The following CNOT1 variants were observed in gnomAD, a reference collection of about 807,000 sequenced individuals.
CNOT1 encodes CCR4-NOT transcription complex subunit 1.
CNOT1 carries 15 observed loss-of-function variants against 273.8 expected under a neutral mutation model. That is an observed-to-expected ratio of 0.05 (90% CI 0.04 to 0.08). CNOT1 has a LOEUF of 0.08. Among genes scored for constraint, CNOT1 ranks in the 10% least tolerant of loss-of-function variants. The pLI is 1.00. For missense variants in CNOT1, 1,644 were observed against 2,912.2 expected (o/e 0.56, Z 10.02); for synonymous variants, 1,022 against 1,005.5 (o/e 1.02, Z -0.31).
chr16:58,610,756 T>C (rs1485729280), intron 1 of CNOT1, among the ~76,000 whole-genome samples: 3 of 151,660 alleles, frequency 2.0e-5, no homozygotes, highest in Non-Finnish European at 2.9e-5. Flanking sequence ...GGCAGGAGAA[T>C]GGCGTGAACC....
intron 19 of CNOT1, 58 bp downstream of exon 19, chr16:58,556,783 GAGACAT>G: frequency 8.9e-6 from 14 of 1,573,164 alleles, no homozygotes; most frequent in Non-Finnish European, 1.1e-5. Context: ...TAACACAAAT[GAGACAT>G]ACAACTAAAC....
At chr16:58,592,696 G>A (rs896888592) in intron 2 of CNOT1, among the ~76,000 whole-genome samples, 2 of 152,138 alleles carry the variant, frequency 1.3e-5, no homozygotes, top group Non-Finnish European at 2.9e-5. Flanking sequence ...AAAATGTTTA[G>A]GACCGACAAA....
At position 58,613,651 on chromosome 16, in the gene CNOT1, G is replaced by C. The variant is rs561466192; in HGVS notation, c.-174-14140C>G. Among the ~76,000 whole-genome samples the C allele has an allele frequency of 2.5e-4, 31 of 124,136 alleles. 7 individuals are homozygous for C. The highest frequency in any genetic ancestry group is 8.4e-4 in the African/African-American group (31 of 37,028). The allele number at this position is 124,136 out of a possible 152,430, so 81.4% of individuals were successfully genotyped here. On this transcript the variant is annotated intron_variant, in intron 1 of 48. Coordinates refer to ENST00000317147, the MANE Select transcript of CNOT1 (RefSeq NM_016284.5). ...CTAAAAAAAGGACCCATAAATAATA[G>C]AAATTATCTATTGAGGGGAAAAAAA...
intron 2 of CNOT1, among the ~76,000 whole-genome samples, chr16:58,595,070 C>T (rs921455379): frequency 8.0e-5 from 12 of 150,238 alleles, no homozygotes; most frequent in African/African-American, 2.7e-4. Context: ...GCCGAGATCA[C>T]GCCACTGCAC....
chr16:58,587,458 CAAG>C (rs767761150), intron 4 of CNOT1, 45 bp from the exon 5 acceptor site: 1 of 1,608,454 alleles, frequency 6.2e-7, no homozygotes, highest in Non-Finnish European at 8.5e-7. Context: ...CTTACTTTTT[CAAG>C]AAGTTTTTAA....
intron 34 of CNOT1, 113 bp downstream of exon 34, chr16:58,541,388 G>GT: frequency 1.4e-6 from 2 of 1,473,396 alleles, no homozygotes; most frequent in Non-Finnish European, 1.8e-6. Context: ...AACTATAGGT[G>GT]TTTTTTCCCC....
At position 58,551,854 on chromosome 16, in the gene CNOT1, TA is replaced by T. The variant is rs1467488158; in HGVS notation, c.2971-36del. On this transcript the variant is annotated intron_variant, in intron 22 of 48. Coordinates refer to ENST00000317147, the MANE Select transcript of CNOT1 (RefSeq NM_016284.5). ...TAGGGAGAGGAAAAAGAGTTAACCT[TA>T]ATTGCTAAGTCTGGATTATACGTCC... 3 of 1,609,470 alleles carry T rather than the reference TA, an allele frequency of 1.9e-6. No individual in the cohort carries two copies. In the African/African-American group the frequency reaches 4.0e-5, roughly 22 times the overall value.
At chr16:58,521,128 T>C (rs2039353902) in intron 48 of CNOT1, 55 bp downstream of exon 48, 2 of 1,612,364 alleles carry the variant, frequency 1.2e-6, no homozygotes, top group African/African-American at 2.7e-5. Context: ...TAGAGACAGA[T>C]GGTTTTCAGT....
chr16:58,624,344 TCAA>T (rs1353503798), intron 1 of CNOT1, among the ~76,000 whole-genome samples: 1 of 152,194 alleles, frequency 6.6e-6, no homozygotes, highest in Non-Finnish European at 1.5e-5. Flanking sequence ...GTTCTCAGAA[TCAA>T]CAAAAAATTA....
chr16:58,622,155 C>A (rs2043355513), intron 1 of CNOT1, among the ~76,000 whole-genome samples: 1 of 151,060 alleles, frequency 6.6e-6, no homozygotes, highest in African/African-American at 2.4e-5. Context: ...TACTAAAAAA[C>A]TATAAAAAAT....
Position 58,574,756 on chromosome 16 carries a change from G to A in CNOT1, c.1832C>T (p.Pro611Leu), listed in dbSNP as rs2041401862. 5 of 1,588,570 alleles carry A rather than the reference G, an allele frequency of 3.1e-6. No individual in the cohort carries two copies. The highest frequency in any genetic ancestry group is 4.3e-6 in the Non-Finnish European group (5 of 1,174,628). Residue 611 changes from proline to leucine, a missense_variant, in exon 16 of 49, where the codon CCT becomes CTT. Around this residue, in one of 13 missense-constraint regions of CNOT1, gnomAD observed 706 missense variants for 1,021.2 expected, o/e 0.69. Transcript: ENST00000317147. ...AAAAGTCATACACGCCTGGATAAAAGGCTCCTGAAGAATAGAAAAGTCTCT... is the reference window on the plus strand; with the variant it reads ...AAAAGTCATACACGCCTGGATAAAAAGCTCCTGAAGAATAGAAAAGTCTCT... ...LTDKIREHGE[P>L]FIQACMTFLK...
At chr16:58,578,440 A>G (rs2041540510) in intron 13 of CNOT1, among the ~76,000 whole-genome samples, 1 of 147,680 alleles carries the variant, frequency 6.8e-6, no homozygotes, top group Non-Finnish European at 1.5e-5. Flanking sequence ...GCGACAGAGC[A>G]AGACACCATC....
rs781501258 is a variant in CNOT1, at chr16:58,538,079, T to C, written c.5245-19A>G. On this transcript the variant is annotated intron_variant, in intron 37 of 48. Coordinates refer to ENST00000317147, the MANE Select transcript of CNOT1 (RefSeq NM_016284.5). ...CCATTGACTGGCAACACAGAAAACA[T>C]AATGTGAGAGGGAAAACACTTAAGA... 6.2e-7 allele frequency: 1 copy of C among 1,614,136 alleles called. No individual in the cohort carries two copies. Among genetic ancestry groups the C allele is most frequent in the Non-Finnish European group, 8.5e-7 (1 of 1,180,018 alleles).
At chr16:58,555,643 G>C (rs2040606225) in intron 20 of CNOT1, 106 bp from the exon 21 acceptor site, 2 of 1,537,684 alleles carry the variant, frequency 1.3e-6, no homozygotes, top group Admixed American at 2.1e-5. Context: ...TTTACCAAAA[G>C]AGCTTGAGAC....
intron 14 of CNOT1, among the ~76,000 whole-genome samples, chr16:58,575,671 C>T (rs1340846118): frequency 1.3e-5 from 2 of 152,034 alleles, no homozygotes; most frequent in Non-Finnish European, 2.9e-5. Flanking sequence ...CGTTGGCAGG[C>T]GCCTGTAGTC....
intron 2 of CNOT1, among the ~76,000 whole-genome samples, chr16:58,589,320 C>T (rs959493431): frequency 1.3e-5 from 2 of 152,144 alleles, no homozygotes. Flanking sequence ...CAAGACCAGC[C>T]TGGTCAACAT....
chr16:58,547,319 A>C lies in CNOT1; in HGVS notation c.3640-23T>G. ...GTCCTAGAATAAGAAAAATACTTTCAAAAGCGGGGAATATACCCCCCAAAA... is the reference window on the plus strand; with the variant it reads ...GTCCTAGAATAAGAAAAATACTTTCCAAAGCGGGGAATATACCCCCCAAAA... On this transcript the variant is annotated intron_variant, in intron 26 of 48. Transcript: ENST00000317147. This position sits in a 1 kb window ranked among gnomAD's most constrained non-coding sequence, Gnocchi z 4.0. 1 of 1,611,422 alleles carries C rather than the reference A, an allele frequency of 6.2e-7. No individual in the cohort carries two copies. Among genetic ancestry groups the C allele is most frequent in the Non-Finnish European group, 8.5e-7 (1 of 1,179,110 alleles).
At chr16:58,603,074 A>G (rs1034059205) in intron 1 of CNOT1, among the ~76,000 whole-genome samples, 2 of 152,182 alleles carry the variant, frequency 1.3e-5, no homozygotes, top group Non-Finnish European at 2.9e-5. Flanking sequence ...ATAAAATATA[A>G]CCAGAATCCA....
intron 8 of CNOT1, among the ~76,000 whole-genome samples, chr16:58,584,159 C>T (rs1322253882): frequency 1.4e-5 from 2 of 146,792 alleles, no homozygotes; most frequent in African/African-American, 5.0e-5. Context: ...CAGAGCAACA[C>T]TCCGTCTCAA....
Sources: allele counts gnomAD v4.1 joint callset (sites outside exome capture counted in the v4.1 genomes callset), GRCh38; gene constraint gnomAD v4.1.1; regional missense constraint gnomAD v4.1.1; non-coding constraint Gnocchi (gnomAD v3.1); transcripts MANE v1.5; gene names NCBI Gene and HGNC (gene_info 2026-07-23, HGNC 2026-07-21).